Variants in OCA2 observed in about 807,000 individuals in gnomAD.
The protein encoded by OCA2 is P protein.
Under a neutral mutation model 100.2 loss-of-function variants are expected in OCA2, and 77 were observed. The ratio of observed to expected loss-of-function variants is 0.77; its 90% CI spans 0.64 to 0.93. The LOEUF (loss-of-function observed/expected upper bound fraction) is 0.93, where lower values mean the gene tolerates loss of function less well. OCA2 is among the 40% of genes least tolerant of loss of function. OCA2 has a pLI of 0.00. For missense variants in OCA2, 1,062 were observed against 1,089.1 expected (o/e 0.98, Z 0.35); for synonymous variants, 432 against 439.2 (o/e 0.98, Z 0.21).
At chr15:27,980,617 G>GT (rs968697040) in intron 14 of OCA2, among the ~76,000 whole-genome samples, 4 of 152,068 alleles carry the variant, frequency 2.6e-5, no homozygotes, top group Admixed American at 2.6e-4. Context: ...GAAAAAGTCT[G>GT]TTTTTTGTAC....
At chr15:27,987,654 A>G (rs1003781579) in intron 11 of OCA2, among the ~76,000 whole-genome samples, 9 of 151,898 alleles carry the variant, frequency 5.9e-5, no homozygotes, top group East Asian at 1.9e-4. Context: ...GCATGAACCC[A>G]GGACGGGGAG....
intron 2 of OCA2, among the ~76,000 whole-genome samples, chr15:28,053,065 TG>T (rs2141584099): frequency 6.6e-6 from 1 of 152,332 alleles, no homozygotes; most frequent in South Asian, 2.1e-4. Context: ...AAATATTAAA[TG>T]GGATTCCACT....
intron 23 of OCA2, among the ~76,000 whole-genome samples, chr15:27,771,894 A>C (rs1475880295): frequency 1.3e-5 from 2 of 152,188 alleles, no homozygotes; most frequent in African/African-American, 4.8e-5. Context: ...TTAGTCTTCT[A>C]ATTTTGTATG....
chr15:27,894,548 A>C (rs1184312584), intron 19 of OCA2, among the ~76,000 whole-genome samples: 1 of 152,184 alleles, frequency 6.6e-6, no homozygotes, highest in East Asian at 1.9e-4. Flanking sequence ...GACCTTTTCG[A>C]AGGAAAGAAA....
chr15:28,016,283 A>G, intron 7 of OCA2, 97 bp from the exon 8 acceptor site: 1 of 945,748 alleles, frequency 1.1e-6, no homozygotes, highest in African/African-American at 1.6e-5. Context: ...TTCAAAAAAG[A>G]AAAGGAGAAA....
intron 18 of OCA2, among the ~76,000 whole-genome samples, chr15:27,942,586 C>CT (rs766140520): frequency 1.3e-5 from 2 of 152,086 alleles, no homozygotes; most frequent in Non-Finnish European, 2.9e-5. Context: ...GAATTGGATA[C>CT]TGACAATGGT....
the OCA2 span, among the ~76,000 whole-genome samples, chr15:27,744,494 G>A: frequency 1.1e-4 from 16 of 152,272 alleles, no homozygotes; most frequent in Middle Eastern, 3.4e-3. Flanking sequence ...TTCTCAAGGT[G>A]GGCCATGGTT....
intron 23 of OCA2, among the ~76,000 whole-genome samples, chr15:27,838,923 C>A (rs1490200311): frequency 6.6e-6 from 1 of 152,084 alleles, no homozygotes; most frequent in Non-Finnish European, 1.5e-5. Flanking sequence ...AACACTTCAG[C>A]AAAAGGGCCA....
chr15:28,092,625 T>G (rs2044889761), intron 1 of OCA2, among the ~76,000 whole-genome samples: 1 of 152,190 alleles, frequency 6.6e-6, no homozygotes, highest in African/African-American at 2.4e-5. Flanking sequence ...AGTCCTGGGA[T>G]TACAGGTATG....
intron 15 of OCA2, among the ~76,000 whole-genome samples, chr15:27,959,619 T>C (rs2040345275): frequency 6.6e-6 from 1 of 152,172 alleles, no homozygotes; most frequent in African/African-American, 2.4e-5. Flanking sequence ...GCGTGGTTCA[T>C]CTCTGGTGCC....
At chr15:28,048,733 C>T (rs556636503) in intron 2 of OCA2, among the ~76,000 whole-genome samples, 7 of 152,204 alleles carry the variant, frequency 4.6e-5, no homozygotes, top group East Asian at 3.9e-4. Context: ...GGGCCGGGCA[C>T]GGTGGCTCAT....
At chr15:27,916,336 G>A (rs11074310) in intron 19 of OCA2, among the ~76,000 whole-genome samples, 88,588 of 151,808 alleles carry the variant, frequency 0.58, 27,060 homozygotes, top group East Asian at 0.96. Context: ...ATGTACCCCC[G>A]AACCCAAAAT....
intron 2 of OCA2, among the ~76,000 whole-genome samples, chr15:28,040,971 C>G (rs7166228): frequency 0.088 from 13,328 of 152,126 alleles, 1,631 homozygotes; most frequent in East Asian, 0.66. Flanking sequence ...AGGGCAAACT[C>G]ATTCTGTGAG....
chr15:27,933,469 C>T (rs761291273), intron 18 of OCA2, among the ~76,000 whole-genome samples: 6 of 152,104 alleles, frequency 3.9e-5, no homozygotes, highest in East Asian at 1.9e-4. Context: ...GTGATTGTCA[C>T]GCGTGTCCGT....
At chr15:27,896,458 AGCCC>A in intron 19 of OCA2, 1 of 628,896 alleles carries the variant, frequency 1.6e-6, no homozygotes, top group Admixed American at 2.3e-5. Flanking sequence ...TAGGAGAAGA[AGCCC>A]AAGAAAAAAG....
intron 23 of OCA2, among the ~76,000 whole-genome samples, chr15:27,807,859 C>A (rs1232003654): frequency 6.6e-6 from 1 of 152,166 alleles, no homozygotes; most frequent in Non-Finnish European, 1.5e-5. Flanking sequence ...CAAGGTTCTC[C>A]CTGGACCCAG....
At chr15:27,848,973 A>T (rs7162487) in intron 22 of OCA2, among the ~76,000 whole-genome samples, 3 of 106,646 alleles carry the variant, frequency 2.8e-5, no homozygotes, top group Non-Finnish European at 6.2e-5. Context: ...ACACAGCCAC[A>T]TGCTGCCTGG....
chr15:27,743,419 T>C, the OCA2 span, among the ~76,000 whole-genome samples: 23 of 152,268 alleles, frequency 1.5e-4, no homozygotes, highest in South Asian at 4.4e-3. Flanking sequence ...CAAAACAGCA[T>C]GCTTATCAAG....
intron 19 of OCA2, among the ~76,000 whole-genome samples, chr15:27,905,319 G>C (rs1278400242): frequency 6.6e-6 from 1 of 152,202 alleles, no homozygotes; most frequent in African/African-American, 2.4e-5. Flanking sequence ...TGTGAAGGTA[G>C]AGAACCCCAA....
Sources: gnomAD v4.1 joint callset for allele counts (sites outside exome capture counted in the v4.1 genomes callset) on GRCh38, gnomAD v4.1.1 for gene constraint, MANE v1.5 for transcripts, NCBI Gene and HGNC (gene_info 2026-07-23, HGNC 2026-07-21) for gene names.